The following TRPM3 variants were observed in gnomAD, a reference collection of about 807,000 sequenced individuals.
TRPM3 encodes the protein long transient receptor potential channel 3.
Under a neutral mutation model 181.2 loss-of-function variants are expected in TRPM3, and 77 were observed. The observed-to-expected ratio is 0.42, with a 90% CI of 0.35 to 0.51. The LOEUF (loss-of-function observed/expected upper bound fraction) is 0.51. TRPM3 is among the 20% of genes least tolerant of loss of function. The probability of loss-of-function intolerance (pLI) is 0.01; values close to 1 mark genes in which losing one functional copy is unlikely to be tolerated. For synonymous variants in TRPM3, 745 were observed against 796.4 expected, an observed-to-expected ratio of 0.94 and a Z score of 1.09; for missense variants, 1,759 against 2,196.7, an observed-to-expected ratio of 0.80 and a Z score of 3.98.
chr9:70,987,184 C>T (rs1238791973), intron 1 of TRPM3, among the ~76,000 whole-genome samples: 1 of 151,934 alleles, frequency 6.6e-6, no homozygotes, highest in African/African-American at 2.4e-5. Flanking sequence ...TCAGCAAAAT[C>T]AACATAACAA....
intron 1 of TRPM3, among the ~76,000 whole-genome samples, chr9:71,226,009 TAAAAAAAAAAAAAAA>T: frequency 8.6e-5 from 3 of 34,706 alleles, no homozygotes; most frequent in African/African-American, 1.3e-4. Context: ...CAACAAAAGG[TAAAAAAAAAAAAAAA>T]AAAAAAAAAA....
chr9:71,276,824 T>A (rs2084252627), intron 1 of TRPM3, among the ~76,000 whole-genome samples: 1 of 152,210 alleles, frequency 6.6e-6, no homozygotes, highest in Admixed American at 6.5e-5. Context: ...TTTGCCTATA[T>A]GTACCAGGAA....
rs2040537263 is a variant in TRPM3 at position 70,529,247 on chromosome 9, A to G, written c.*6706T>C. 1 of 152,202 alleles carries G rather than the reference A, an allele frequency of 6.6e-6. No individual in the cohort carries two copies. 9.4% of individuals were successfully genotyped at this position (152,202 alleles called of 1,614,324 possible). A position where few individuals can be genotyped will look rare whatever the true frequency, so the allele number is the denominator to read the frequency against. ...GAACAATTCTTCTAAGGATTTATAT[A>G]TATTTATAGTGTCGATAGATATGCA... On this transcript the variant is annotated 3_prime_UTR_variant, in exon 26 of 26. Transcript: ENST00000677713.
chr9:70,992,526 A>C (rs1266081784), intron 1 of TRPM3, among the ~76,000 whole-genome samples: 2 of 152,200 alleles, frequency 1.3e-5, no homozygotes. Context: ...TATAATGTAG[A>C]GCAACACTGT....
At chr9:70,883,348 G>T (rs2096028309) in intron 1 of TRPM3, among the ~76,000 whole-genome samples, 1 of 152,198 alleles carries the variant, frequency 6.6e-6, no homozygotes, top group Non-Finnish European at 1.5e-5. Context: ...CTTACAGGAG[G>T]CATGGAAAAT....
intron 8 of TRPM3, among the ~76,000 whole-genome samples, chr9:70,699,059 T>G (rs2071547304): frequency 6.6e-6 from 1 of 152,204 alleles, no homozygotes; most frequent in Admixed American, 6.5e-5. Flanking sequence ...ATTTGTTTTG[T>G]TTCTTTCTCA....
intron 5 of TRPM3, among the ~76,000 whole-genome samples, chr9:70,831,983 A>ATATTTATATATATATATATT (rs1564497435): frequency 1.9e-5 from 2 of 103,424 alleles, no homozygotes; most frequent in African/African-American, 8.5e-5. Flanking sequence ...ATATATATAT[A>ATATTTATATATATATATATT]TATATATATA....
chr9:70,931,758 A>G (rs1295978095), intron 1 of TRPM3, among the ~76,000 whole-genome samples: 3 of 152,188 alleles, frequency 2.0e-5, no homozygotes, highest in African/African-American at 7.2e-5. Context: ...TTTATAATCA[A>G]TCTTGAAGTT....
intron 1 of TRPM3, among the ~76,000 whole-genome samples, chr9:70,990,137 G>A (rs938712677): frequency 1.3e-5 from 2 of 152,166 alleles, no homozygotes; most frequent in Admixed American, 6.5e-5. Context: ...TTCAAGCTGT[G>A]TATTTAATAC....
At chr9:71,097,583 T>A (rs2067546229) in intron 1 of TRPM3, among the ~76,000 whole-genome samples, 1 of 152,150 alleles carries the variant, frequency 6.6e-6, no homozygotes, top group East Asian at 1.9e-4. Flanking sequence ...CACCAGTGAA[T>A]TTCCTCTAAA....
intron 8 of TRPM3, among the ~76,000 whole-genome samples, chr9:70,701,114 A>G (rs11142557): frequency 0.21 from 32,407 of 152,208 alleles, 4,285 homozygotes; most frequent in Non-Finnish European, 0.29. Flanking sequence ...CTAGTCAAGT[A>G]TGGGTTATCC....
At chr9:70,871,427 C>T (rs9792509) in intron 1 of TRPM3, among the ~76,000 whole-genome samples, 105,486 of 151,714 alleles carry the variant, frequency 0.7, 37,076 homozygotes, top group African/African-American at 0.78. Flanking sequence ...TTGTTTTTGT[C>T]TTGTTTTCCC....
chr9:71,202,860 T>A (rs1439955213), intron 1 of TRPM3, among the ~76,000 whole-genome samples: 1 of 152,180 alleles, frequency 6.6e-6, no homozygotes, highest in Non-Finnish European at 1.5e-5. Flanking sequence ...TGAGAAAACT[T>A]ACATACATAG....
intron 21 of TRPM3, among the ~76,000 whole-genome samples, chr9:70,592,601 A>G (rs2058306555): frequency 6.6e-6 from 1 of 152,214 alleles, no homozygotes; most frequent in Admixed American, 6.5e-5. Context: ...GCATCAAAAC[A>G]TAGAATACAA....
chr9:71,223,651 T>C (rs1211920449), intron 1 of TRPM3, among the ~76,000 whole-genome samples: 1 of 152,144 alleles, frequency 6.6e-6, no homozygotes, highest in Non-Finnish European at 1.5e-5. Context: ...TCTGGACCTA[T>C]CCTGGGCCAG....
chr9:71,065,646 T>C (rs540007215), intron 1 of TRPM3, among the ~76,000 whole-genome samples: 2 of 152,288 alleles, frequency 1.3e-5, no homozygotes, highest in Admixed American at 6.5e-5. Flanking sequence ...ACCTAAAATA[T>C]CACTCATCAA....
chr9:70,594,419 C>T (rs1213683863), intron 21 of TRPM3, among the ~76,000 whole-genome samples: 2 of 152,092 alleles, frequency 1.3e-5, no homozygotes, highest in Admixed American at 1.3e-4. Flanking sequence ...ATATGAAAAC[C>T]TATTTCCGAG....
At chr9:71,266,035 C>G (rs945582220) in intron 1 of TRPM3, among the ~76,000 whole-genome samples, 3 of 152,176 alleles carry the variant, frequency 2.0e-5, no homozygotes, top group Non-Finnish European at 2.9e-5. Flanking sequence ...GTGTCTGTCT[C>G]CAGTTCCAAC....
At chr9:71,332,376 G>GGCGT in intron 1 of TRPM3, among the ~76,000 whole-genome samples, 1 of 142,324 alleles carries the variant, frequency 7.0e-6, no homozygotes, top group South Asian at 2.3e-4. Flanking sequence ...TTCAATGTTG[G>GGCGT]GTGTGTGTGT....
Sources: gnomAD v4.1 joint callset for allele counts (sites outside exome capture counted in the v4.1 genomes callset) on GRCh38, gnomAD v4.1.1 for gene constraint, MANE v1.5 for transcripts, NCBI Gene and HGNC (gene_info 2026-07-23, HGNC 2026-07-21) for gene names.